The following DENND5B variants were observed in gnomAD, a reference collection of about 807,000 sequenced individuals.
DENND5B encodes DENN domain containing 5B, also known as DENN domain-containing protein 5B.
A neutral mutation model predicts 140.6 loss-of-function variants in DENND5B; 34 were observed. The observed-to-expected ratio is 0.24, with a 90% CI of 0.18 to 0.32. The LOEUF is 0.32. DENND5B is among the 10% of genes least tolerant of loss of function. DENND5B has a pLI of 1.00. For synonymous variants in DENND5B, 551 were observed against 562.1 expected, an observed-to-expected ratio of 0.98 and a Z score of 0.28; for missense variants, 1,142 against 1,560.2, an observed-to-expected ratio of 0.73 and a Z score of 4.52.
At chr12:31,577,134 C>T (rs1440756783) in intron 1 of DENND5B, among the ~76,000 whole-genome samples, 2 of 152,132 alleles carry the variant, frequency 1.3e-5, no homozygotes, top group Non-Finnish European at 2.9e-5. Context: ...TCAAGCTGTA[C>T]TGAGGAATTA....
At chr12:31,463,417 TG>T (rs1388071701) in intron 3 of DENND5B, among the ~76,000 whole-genome samples, 1 of 152,186 alleles carries the variant, frequency 6.6e-6, no homozygotes, top group African/African-American at 2.4e-5. Context: ...AACCAAGGAT[TG>T]GGGCCTTTTA....
At chr12:31,516,026 T>C (rs1012619483) in intron 1 of DENND5B, among the ~76,000 whole-genome samples, 1 of 152,248 alleles carries the variant, frequency 6.6e-6, no homozygotes, top group African/African-American at 2.4e-5. Context: ...TGATTACACT[T>C]ATCTTGCACG....
At chr12:31,456,337 A>C (rs904832040) in intron 4 of DENND5B, among the ~76,000 whole-genome samples, 2 of 151,972 alleles carry the variant, frequency 1.3e-5, no homozygotes, top group Non-Finnish European at 2.9e-5. Context: ...CTCAAAAAAA[A>C]AAAAAAAAAA....
chr12:31,494,195 T>C (rs1033352809), intron 2 of DENND5B, among the ~76,000 whole-genome samples: 8,270 of 103,562 alleles, frequency 0.08, 391 homozygotes, highest in South Asian at 0.094. Flanking sequence ...CATCCATCCA[T>C]CCATCCACCT....
Position 31,479,881 on chromosome 12 carries a change from G to A in DENND5B, c.612C>T (p.Cys204=). 1 of 1,613,964 alleles carries A rather than the reference G, an allele frequency of 6.2e-7. No individual in the cohort carries two copies. Among genetic ancestry groups the A allele is most frequent in the Non-Finnish European group, 8.5e-7 (1 of 1,179,842 alleles). ...LITPLPFMQA[C]KKFLIQLYKA... is the part of the protein sequence containing the mutation. ...TGTAAAGCTGGATAAGGAATTTCTT[G>A]CAGGCCTGCATGAATGGTAACGGTG... The change falls in exon 3 of 21, where the codon TGC becomes TGT. Residue 204 remains cysteine, a synonymous_variant. Coordinates refer to ENST00000389082, the MANE Select transcript of DENND5B (RefSeq NM_144973.4).
At chr12:31,543,158 T>G in intron 1 of DENND5B, among the ~76,000 whole-genome samples, 1 of 152,108 alleles carries the variant, frequency 6.6e-6, no homozygotes, top group East Asian at 1.9e-4. Flanking sequence ...CAGTGAGCGT[T>G]GACCGGGCCA....
At chr12:31,390,830 G>A (rs1941100664) in intron 19 of DENND5B, among the ~76,000 whole-genome samples, 2 of 151,740 alleles carry the variant, frequency 1.3e-5, no homozygotes, top group Admixed American at 6.6e-5. Context: ...TGGGACCAGC[G>A]TGGCCAACAT....
chr12:31,494,138 TTCTATCTATCTA>T lies in DENND5B; in HGVS notation c.237+1660_237+1671del, dbSNP rs58109707. 3.6e-3 allele frequency among the ~76,000 whole-genome samples: 501 copies of T among 139,794 alleles called. 4 individuals are homozygous for T. Among genetic ancestry groups the T allele is most frequent in the African/African-American group, 0.01 (394 of 37,574 alleles). The allele number at this position is 139,794 out of a possible 152,430, so 91.7% of individuals were successfully genotyped here. ...TCTCAAGGTTGACTATCTCTCTATC[TTCTATCTATCTA>T]TCTATCTATCTATCTATCTATCTAT... On this transcript the variant is annotated intron_variant, in intron 2 of 20. Coordinates refer to ENST00000389082, the MANE Select transcript of DENND5B (RefSeq NM_144973.4).
chr12:31,438,219 T>C (rs1259559364), intron 7 of DENND5B, among the ~76,000 whole-genome samples: 1 of 152,192 alleles, frequency 6.6e-6, no homozygotes, highest in Admixed American at 6.5e-5. Context: ...GTTATCCACC[T>C]GTCTTGGCCT....
intron 1 of DENND5B, among the ~76,000 whole-genome samples, chr12:31,511,075 A>T (rs1320941361): frequency 4.6e-5 from 7 of 151,920 alleles, no homozygotes; most frequent in Admixed American, 1.3e-4. Flanking sequence ...CTGCAAAAAA[A>T]TTTTTTTTAA....
chr12:31,484,838 A>G (rs931509977), intron 2 of DENND5B, among the ~76,000 whole-genome samples: 3 of 152,046 alleles, frequency 2.0e-5, no homozygotes, highest in Non-Finnish European at 4.4e-5. Context: ...ATAAAATAAA[A>G]GCATCATTTT....
rs367738620 is a variant in DENND5B, at chr12:31,387,925, G to C, written c.3642-139C>G. 9 of 805,800 alleles carry C rather than the reference G, an allele frequency of 1.1e-5. No individual in the cohort carries two copies. In the African/African-American group the frequency reaches 1.4e-4, roughly 12 times the overall value. 49.9% of individuals were successfully genotyped at this position (805,800 alleles called of 1,614,324 possible). Reference sequence around the variant, plus strand: ...TCCAAGCTAAGAGGTCAGGAGAGAGGAAATCAAAGCCAAGAAGTTGAATAT... The same window carrying C: ...TCCAAGCTAAGAGGTCAGGAGAGAGCAAATCAAAGCCAAGAAGTTGAATAT... On this transcript the variant is annotated intron_variant, in intron 20 of 20. Transcript: ENST00000389082.
intron 2 of DENND5B, among the ~76,000 whole-genome samples, chr12:31,494,229 C>T (rs1358363872): frequency 3.4e-5 from 5 of 148,012 alleles, no homozygotes; most frequent in African/African-American, 7.4e-5. Flanking sequence ...CCTCTACCTA[C>T]CTACCTACCT....
rs1175992592 is a variant in DENND5B at position 31,577,093 on chromosome 12, T to C, written c.127+13613A>G. Among the ~76,000 whole-genome samples, 7 of 152,160 alleles carry C rather than the reference T, an allele frequency of 4.6e-5. No individual in the cohort carries two copies. The South Asian group carries it at 1.5e-3, about 32-fold the overall frequency. On this transcript the variant is annotated intron_variant, in intron 1 of 20. Transcript: ENST00000389082. ...TGAAGAAGGGATTAGAGAAAAAAAG[T>C]ACAAAAGCCTGGTCTATGAGCAATC...
intron 3 of DENND5B, among the ~76,000 whole-genome samples, chr12:31,464,742 T>C (rs748245991): frequency 3.3e-5 from 5 of 151,880 alleles, no homozygotes; most frequent in Non-Finnish European, 7.4e-5. Flanking sequence ...TTGTGTTTTT[T>C]GTAGAAAGGG....
intron 11 of DENND5B, among the ~76,000 whole-genome samples, chr12:31,416,080 G>T (rs1045919908): frequency 6.6e-6 from 1 of 151,880 alleles, no homozygotes; most frequent in Non-Finnish European, 1.5e-5. Flanking sequence ...GAGGTGATCC[G>T]CCTGCCTCGG....
At chr12:31,495,725 A>C (rs1211091239) in intron 2 of DENND5B, 85 bp downstream of exon 2, 1 of 1,000,650 alleles carries the variant, frequency 1.0e-6, no homozygotes, top group Non-Finnish European at 1.5e-6. Context: ...GAAATAAGGT[A>C]GACATTCAAA....
chr12:31,570,624 T>C (rs538967990), intron 1 of DENND5B, among the ~76,000 whole-genome samples: 2 of 152,098 alleles, frequency 1.3e-5, no homozygotes, highest in South Asian at 2.1e-4. Context: ...TTTAGGAGTT[T>C]GGTTTCATTT....
intron 1 of DENND5B, among the ~76,000 whole-genome samples, chr12:31,545,944 C>T (rs1199358604): frequency 1.1e-4 from 2 of 18,676 alleles, no homozygotes; most frequent in African/African-American, 9.2e-4. Flanking sequence ...GAGTAAGACA[C>T]TGTCTCAAAA....
Sources: gnomAD v4.1 joint callset for allele counts (sites outside exome capture counted in the v4.1 genomes callset) on GRCh38, gnomAD v4.1.1 for gene constraint, MANE v1.5 for transcripts, NCBI Gene and HGNC (gene_info 2026-07-23, HGNC 2026-07-21) for gene names.